Variants in TRPC5 observed in about 807,000 individuals in gnomAD.
The protein encoded by TRPC5 is transient receptor potential cation channel subfamily C member 5.
In TRPC5, 9 loss-of-function variants were observed where a neutral mutation model predicts 56.5. The observed-to-expected ratio is 0.16, with a 90% CI of 0.10 to 0.28. TRPC5 has a LOEUF of 0.28. Ranked by LOEUF, TRPC5 falls within the 10% of genes least tolerant of loss-of-function variation. The probability of loss-of-function intolerance (pLI) is 1.00; values close to 1 mark genes in which losing one functional copy is unlikely to be tolerated. For synonymous variants in TRPC5, 282 were observed against 278.5 expected (o/e 1.01, Z -0.13); for missense variants, 469 against 748.9 (o/e 0.63, Z 4.36).
intron 1 of TRPC5, among the ~76,000 whole-genome samples, chrX:112,064,990 C>T (rs1981211681): frequency 2.8e-5 from 3 of 107,877 alleles, no homozygotes; most frequent in South Asian, 4.2e-4. Flanking sequence ...AGGAGAATGG[C>T]GTGAACCCGG....
chrX:111,865,332 CTT>C (rs60615139), intron 3 of TRPC5, among the ~76,000 whole-genome samples: 129 of 93,824 alleles, frequency 1.4e-3, no homozygotes, highest in African/African-American at 3.2e-3. Context: ...CTAGCAGCTT[CTT>C]TTTTTTTTTT....
intron 1 of TRPC5, among the ~76,000 whole-genome samples, chrX:111,975,309 G>A (rs1471299373): frequency 2.0e-5 from 2 of 98,394 alleles, no homozygotes; most frequent in East Asian, 2.9e-4. Context: ...AAATTAGTCC[G>A]GGAAATTCAC....
chrX:111,879,211 C>T (rs768294908), intron 3 of TRPC5, among the ~76,000 whole-genome samples: 3 of 111,614 alleles, frequency 2.7e-5, no homozygotes, highest in Middle Eastern at 4.7e-3. Flanking sequence ...ATGGAGACAT[C>T]AGAAAAAGAG....
rs181561234 is a variant in TRPC5, at chrX:112,016,152, G to A, written c.-21-63711C>T. On this transcript the variant is annotated intron_variant, in intron 1 of 10. Transcript: ENST00000262839. ...TATTCTCTACAAAGATGGGGGTGGG[G>A]AACAACTAGACAGAGATGATGAGGT... Among the ~76,000 whole-genome samples the A allele has an allele frequency of 2.4e-3, 271 of 111,734 alleles. 3 individuals carry two copies. Among genetic ancestry groups the A allele is most frequent in the African/African-American group, 8.2e-3 (253 of 30,781 alleles).
intron 1 of TRPC5, among the ~76,000 whole-genome samples, chrX:112,033,524 GTTTTAATTTTGATGAAGTCCAAA>G (rs1929644315): frequency 1.0e-5 from 1 of 97,969 alleles, no homozygotes. Flanking sequence ...TGCACAGAAG[GTTTTAATTTTGATGAAGTCCAAA>G]TTATTTATGT....
chrX:112,047,345 G>A (rs929524076), intron 1 of TRPC5, among the ~76,000 whole-genome samples: 6 of 111,494 alleles, frequency 5.4e-5, no homozygotes, highest in African/African-American at 2.0e-4. Flanking sequence ...GGATTTGTTA[G>A]GACAGATTGT....
intron 1 of TRPC5, among the ~76,000 whole-genome samples, chrX:112,060,077 G>T (rs953861942): frequency 8.9e-6 from 1 of 112,005 alleles, no homozygotes; most frequent in African/African-American, 3.2e-5. Flanking sequence ...GGTGCCAGAG[G>T]TTGAGTCCAA....
intron 2 of TRPC5, among the ~76,000 whole-genome samples, chrX:111,924,751 C>G (rs1926214509): frequency 8.9e-6 from 1 of 112,513 alleles, no homozygotes; most frequent in Non-Finnish European, 1.9e-5. Context: ...ACACCTGAGG[C>G]AGGCCAGGCA....
In TRPC5 at chrX:111,780,827, T is replaced by C. The variant is rs189770887; in HGVS notation, c.2142+338A>G. Among the ~76,000 whole-genome samples the C allele has an allele frequency of 3.6e-5, 4 of 111,923 alleles. No homozygotes were observed. In the East Asian group the frequency reaches 1.1e-3, roughly 31 times the overall value. On this transcript the variant is annotated intron_variant, in intron 9 of 10. Coordinates refer to ENST00000262839, the MANE Select transcript of TRPC5 (RefSeq NM_012471.3). ...TCTTTTTTGTTCATAGTGATTTTTCTAGTATCTAGTGTAGTATTTTATGTA... is the reference window on the plus strand; with the variant it reads ...TCTTTTTTGTTCATAGTGATTTTTCCAGTATCTAGTGTAGTATTTTATGTA...
At chrX:112,074,299 T>TTTTA (rs776831137) in intron 1 of TRPC5, among the ~76,000 whole-genome samples, 4 of 100,052 alleles carry the variant, frequency 4.0e-5, no homozygotes, top group African/African-American at 1.7e-4. Context: ...TTTTATTTTA[T>TTTTA]TATATATATA....
At chrX:111,893,076 AG>A (rs200409455) in intron 3 of TRPC5, among the ~76,000 whole-genome samples, 48 of 101,141 alleles carry the variant, frequency 4.7e-4, no homozygotes, top group Admixed American at 1.4e-3. Flanking sequence ...ATTCAAATAT[AG>A]GGTTTTTTTT....
chrX:111,932,896 C>T (rs1467181950), intron 2 of TRPC5, among the ~76,000 whole-genome samples: 1 of 111,852 alleles, frequency 8.9e-6, no homozygotes, highest in Non-Finnish European at 1.9e-5. Context: ...GATTTCATCA[C>T]CAACTTTTCA....
rs1925855874 is a variant in TRPC5, at chrX:111,912,741, G to C, written c.450C>G (p.Ala150=). 8.3e-7 allele frequency: 1 copy of C among 1,205,588 alleles called. No homozygotes were observed. Among genetic ancestry groups the C allele is most frequent in the African/African-American group, 1.8e-5 (1 of 56,866 alleles). The part of the protein sequence containing the change: ...TPDITPIMLA[A]HTNNYEIIKL... ...TGATGATTTCGTAGTTGTTGGTGTG[G>C]GCAGCCAGCATGATGGGAGTGATGT... The change falls in exon 3 of 11, where the codon GCC becomes GCG. Residue 150 remains alanine (A), a synonymous_variant. Transcript: ENST00000262839.
intron 3 of TRPC5, among the ~76,000 whole-genome samples, chrX:111,860,917 G>T (rs1275702632): frequency 8.9e-6 from 1 of 111,802 alleles, no homozygotes; most frequent in Non-Finnish European, 1.9e-5. Flanking sequence ...TTTTGAGAAG[G>T]CTGTTAAATA....
chrX:111,839,272 C>G lies in TRPC5; in HGVS notation c.1701-4156G>C, dbSNP rs547621458. On this transcript the variant is annotated intron_variant, in intron 6 of 10. Coordinates refer to ENST00000262839, the MANE Select transcript of TRPC5 (RefSeq NM_012471.3). ...CCTCCTCTAGAAGCCTGCCCCAACT[C>G]CTTTCCTACAAGGCTGGGTTAGATG... Among the ~76,000 whole-genome samples, 3 of 111,872 alleles carry G rather than the reference C, an allele frequency of 2.7e-5. No individual in the cohort carries two copies. In the South Asian group the frequency reaches 1.1e-3, roughly 42 times the overall value.
intron 7 of TRPC5, among the ~76,000 whole-genome samples, chrX:111,833,540 A>G (rs1340996968): frequency 1.8e-5 from 2 of 111,108 alleles, no homozygotes; most frequent in Non-Finnish European, 3.8e-5. Context: ...CCAATAACAG[A>G]AATTCTATAG....
intron 1 of TRPC5, among the ~76,000 whole-genome samples, chrX:112,033,362 G>A (rs1239323014): frequency 1.8e-5 from 2 of 108,708 alleles, no homozygotes; most frequent in African/African-American, 6.8e-5. Flanking sequence ...AGAACTTAAA[G>A]TATAATTAAA....
intron 1 of TRPC5, among the ~76,000 whole-genome samples, chrX:112,016,644 G>A (rs747287551): frequency 4.9e-4 from 54 of 111,262 alleles, no homozygotes; most frequent in Non-Finnish European, 8.9e-4. Flanking sequence ...CTGAGGGCTC[G>A]GTCGAACTTG....
At chrX:111,984,520 C>T (rs1928163251) in intron 1 of TRPC5, among the ~76,000 whole-genome samples, 1 of 111,992 alleles carries the variant, frequency 8.9e-6, no homozygotes, top group African/African-American at 3.2e-5. Flanking sequence ...TCTTGAAAGG[C>T]TTCACACCAC....
Sources: gnomAD v4.1 joint callset for allele counts (sites outside exome capture counted in the v4.1 genomes callset) on GRCh38, gnomAD v4.1.1 for gene constraint, MANE v1.5 for transcripts, NCBI Gene and HGNC (gene_info 2026-07-23, HGNC 2026-07-21) for gene names.